The following KIF13A variants were observed in gnomAD, a reference collection of about 807,000 sequenced individuals.
KIF13A encodes kinesin family member 13A.
A neutral mutation model predicts 212.2 loss-of-function variants in KIF13A; 79 were observed. That is an observed-to-expected ratio of 0.37 (90% CI 0.31 to 0.45). The LOEUF (loss-of-function observed/expected upper bound fraction) is 0.45. Ranked by LOEUF, KIF13A falls within the 20% of genes least tolerant of loss-of-function variation. The pLI is 1.00. For synonymous variants in KIF13A, 789 were observed against 808.6 expected, an observed-to-expected ratio of 0.98 and a Z score of 0.41; for missense variants, 1,901 against 2,209.0, an observed-to-expected ratio of 0.86 and a Z score of 2.79.
At position 17,811,885 on chromosome 6, in the gene KIF13A, G is replaced by A. The variant is rs114640018; in HGVS notation, c.2001-2955C>T. Among the ~76,000 whole-genome samples the A allele has an allele frequency of 8.3e-3, 1,231 of 147,842 alleles. 21 individuals carry two copies. The highest frequency in any genetic ancestry group is 0.03 in the African/African-American group (1,188 of 39,962). On this transcript the variant is annotated intron_variant, in intron 17 of 38. Transcript: ENST00000259711. This position sits in a 1 kb window ranked among gnomAD's most constrained non-coding sequence, Gnocchi z 6.0. Reference sequence around the variant, plus strand: ...TTTTTCTTGGAGATAGGGTCTCCCTGTGTTGCCCAGGCTGCAGTGCAGTGG... The same window carrying A: ...TTTTTCTTGGAGATAGGGTCTCCCTATGTTGCCCAGGCTGCAGTGCAGTGG...
chr6:17,841,807 G>A (rs1766533634), intron 9 of KIF13A, among the ~76,000 whole-genome samples: 1 of 152,128 alleles, frequency 6.6e-6, no homozygotes, highest in Non-Finnish European at 1.5e-5. Context: ...CCAGGGATGA[G>A]GAGCCCATGC....
chr6:17,972,766 A>G (rs1428297895), intron 2 of KIF13A, among the ~76,000 whole-genome samples: 3 of 151,412 alleles, frequency 2.0e-5, no homozygotes, highest in Non-Finnish European at 2.9e-5. Flanking sequence ...AAGGGCCAAC[A>G]GTAAAGAGCA....
At chr6:17,784,433 C>G (rs28659770) in intron 28 of KIF13A, among the ~76,000 whole-genome samples, 6,546 of 151,952 alleles carry the variant, frequency 0.043, 484 homozygotes, top group African/African-American at 0.15. Context: ...AAACAAAAAA[C>G]AAACAAAAAA....
rs144557290 is a variant in KIF13A, at chr6:17,833,180, C to A, written c.1266+781G>T. Among the ~76,000 whole-genome samples the A allele has an allele frequency of 1.4e-4, 22 of 152,046 alleles. No individual in the cohort carries two copies. In the East Asian group the frequency reaches 3.7e-3, roughly 26 times the overall value. ...GCCAAACTGTACATTGATAAAAAGA[C>A]CTGACGTCAATGTCTAAAAGTGATC... is the stretch of plus-strand genomic sequence containing the variant. On this transcript the variant is annotated intron_variant, in intron 12 of 38. Transcript: ENST00000259711.
At chr6:17,804,811 TAAAAAAAAAAAAAAAAAAAAA>T (rs56785510) in intron 19 of KIF13A, among the ~76,000 whole-genome samples, 6 of 23,294 alleles carry the variant, frequency 2.6e-4, no homozygotes, top group Non-Finnish European at 3.5e-4. Flanking sequence ...CTGTCTCCAT[TAAAAAAAAAAAAAAAAAAAAA>T]AAAAAAAAAA....
chr6:17,980,424 CA>C (rs1373044346), intron 2 of KIF13A, among the ~76,000 whole-genome samples: 2 of 152,088 alleles, frequency 1.3e-5, no homozygotes, highest in Non-Finnish European at 2.9e-5. Flanking sequence ...AGATTCCACA[CA>C]GAAGACAGGT....
chr6:17,955,478 CA>C (rs1778274210), intron 2 of KIF13A, among the ~76,000 whole-genome samples: 1 of 152,160 alleles, frequency 6.6e-6, no homozygotes, highest in African/African-American at 2.4e-5. Flanking sequence ...ATTACCTATA[CA>C]ATAAGTAAAA....
At chr6:17,907,154 T>G (rs549756614) in intron 2 of KIF13A, among the ~76,000 whole-genome samples, 52 of 152,302 alleles carry the variant, frequency 3.4e-4, no homozygotes, top group Admixed American at 1.2e-3. Flanking sequence ...ACTTAACATA[T>G]TTAATGACCC....
At chr6:17,873,628 T>C (rs1399422721) in intron 3 of KIF13A, among the ~76,000 whole-genome samples, 191 bp from the exon 4 acceptor site, 1 of 152,140 alleles carries the variant, frequency 6.6e-6, no homozygotes, top group East Asian at 1.9e-4. Context: ...GACAGGGTCA[T>C]CCAGGCTGGA....
At chr6:17,983,721 C>T (rs555917198) in intron 2 of KIF13A, among the ~76,000 whole-genome samples, 1 of 152,176 alleles carries the variant, frequency 6.6e-6, no homozygotes, top group East Asian at 1.9e-4. Flanking sequence ...CTCCTGGCCT[C>T]AAGAGATCCG....
In KIF13A at chr6:17,808,933, G is replaced by A; in HGVS notation, c.2001-3C>T. 6.3e-7 allele frequency: 1 copy of A among 1,594,868 alleles called. No homozygotes were observed. The highest frequency in any genetic ancestry group is 8.5e-7 in the Non-Finnish European group (1 of 1,170,642). ...GGCTTTGTCGGAAGAGTTCATCCCTGCAGTGTCATAGAAAAGGGAACGAGA... is the reference window on the plus strand; with the variant it reads ...GGCTTTGTCGGAAGAGTTCATCCCTACAGTGTCATAGAAAAGGGAACGAGA... On this transcript the variant is annotated splice_polypyrimidine_tract_variant and splice_region_variant and intron_variant, in intron 17 of 38. Coordinates refer to ENST00000259711, the MANE Select transcript of KIF13A (RefSeq NM_022113.6).
chr6:17,782,527 T>G (rs779560507), intron 29 of KIF13A, among the ~76,000 whole-genome samples: 1 of 151,846 alleles, frequency 6.6e-6, no homozygotes, highest in Non-Finnish European at 1.5e-5. Context: ...TCCCAGCTAC[T>G]TGGGAGGCTG....
intron 3 of KIF13A, among the ~76,000 whole-genome samples, chr6:17,874,295 TGGTG>T (rs1243485907): frequency 5.6e-5 from 3 of 53,970 alleles, no homozygotes; most frequent in African/African-American, 1.0e-4. Flanking sequence ...TTTTTGGTGG[TGGTG>T]GGGGGGGTTC....
intron 3 of KIF13A, among the ~76,000 whole-genome samples, chr6:17,878,184 G>T (rs1256577796): frequency 3.3e-5 from 5 of 152,160 alleles, no homozygotes; most frequent in African/African-American, 9.6e-5. Context: ...AAATGTAACA[G>T]CAAGGGGGCA....
At chr6:17,880,745 C>T (rs372914595) in intron 3 of KIF13A, among the ~76,000 whole-genome samples, 7 of 151,872 alleles carry the variant, frequency 4.6e-5, no homozygotes, top group African/African-American at 1.5e-4. Context: ...AGCAGCCTCC[C>T]GAGTAGCTAG....
intron 2 of KIF13A, among the ~76,000 whole-genome samples, chr6:17,980,523 G>C (rs552821525): frequency 6.6e-6 from 1 of 152,086 alleles, no homozygotes. Context: ...AACAGAACAC[G>C]TAAGAAGGGC....
rs1173861716 is a variant in KIF13A, at chr6:17,799,405, T to C, written c.2651A>G (p.Asn884Ser). 5.6e-6 allele frequency: 9 copies of C among 1,595,596 alleles called. No individual in the cohort carries two copies. Among genetic ancestry groups the C allele is most frequent in the African/African-American group, 2.7e-5 (2 of 74,532 alleles). The change falls in exon 22 of 39, where the codon AAC becomes AGC. Residue 884 changes from asparagine to serine, a missense_variant. Asn to Ser is a conservative substitution (Grantham distance 46). Coordinates refer to ENST00000259711, the MANE Select transcript of KIF13A (RefSeq NM_022113.6). The surrounding 1 kb of genome is among the most constrained non-coding windows in gnomAD (Gnocchi z 4.4). Reference protein sequence around the residue: ...KIKEATGLPLNLSNFVFCQYT... With the variant: ...KIKEATGLPLSLSNFVFCQYT... Reference sequence around the variant, plus strand: ...TTGACAGAAGACAAAATTTGAGAGGTTTAAGGGCAGCCCCGTTGCTTCTTT... The same window carrying C: ...TTGACAGAAGACAAAATTTGAGAGGCTTAAGGGCAGCCCCGTTGCTTCTTT...
chr6:17,847,214 T>C (rs1767153262), intron 9 of KIF13A, among the ~76,000 whole-genome samples: 1 of 152,164 alleles, frequency 6.6e-6, no homozygotes, highest in Non-Finnish European at 1.5e-5. Context: ...CACTTGCAAA[T>C]GAATCTCCAC....
At chr6:17,835,307 T>C (rs1161206234) in intron 11 of KIF13A, among the ~76,000 whole-genome samples, 1 of 148,172 alleles carries the variant, frequency 6.7e-6, no homozygotes, top group Admixed American at 6.8e-5. Context: ...TTCAGCCAGG[T>C]ATTGCTTGAG....
Sources: allele counts gnomAD v4.1 joint callset (sites outside exome capture counted in the v4.1 genomes callset), GRCh38; gene constraint gnomAD v4.1.1; non-coding constraint Gnocchi (gnomAD v3.1); transcripts MANE v1.5; gene names NCBI Gene and HGNC (gene_info 2026-07-23, HGNC 2026-07-21).